HERC2: variants seen among roughly 807,000 people sequenced by gnomAD.
The protein encoded by HERC2 is E3 ubiquitin-protein ligase HERC2.
In HERC2, 102 loss-of-function variants were observed where a neutral mutation model predicts 537.7. The observed-to-expected ratio is 0.19, with a 90% CI of 0.16 to 0.22. The LOEUF is 0.22. HERC2 is among the 10% of genes least tolerant of loss of function. The pLI is 1.00. For synonymous variants in HERC2, 2,224 were observed against 2,466.2 expected (o/e 0.90, Z 2.91); for missense variants, 4,236 against 6,198.2 (o/e 0.68, Z 10.63).
chr15:28,227,585 G>C (rs1327573513), intron 35 of HERC2, among the ~76,000 whole-genome samples: 1 of 151,952 alleles, frequency 6.6e-6, no homozygotes, highest in East Asian at 1.9e-4. Flanking sequence ...GGAAAACTTT[G>C]GTAGTTTCTC....
intron 19 of HERC2, 127 bp from the exon 20 acceptor site, chr15:28,254,645 C>A (rs529631889): frequency 3.4e-6 from 2 of 581,018 alleles, no homozygotes; most frequent in Middle Eastern, 4.0e-4. Context: ...ACACACCTAC[C>A]CACAGGCCCC....
rs1566966578 is a variant in HERC2 at position 28,170,032 on chromosome 15, A to G, written c.10058-377T>C. ...CAACAAAGAGAAAAGATGTTCACCA[A>G]TAAAGTCTCATCAGGCTCACTTCGT... On this transcript the variant is annotated intron_variant, in intron 65 of 92. Coordinates refer to ENST00000261609, the MANE Select transcript of HERC2 (RefSeq NM_004667.6). Among the ~76,000 whole-genome samples, 3 of 152,374 alleles carry G rather than the reference A, an allele frequency of 2.0e-5. No homozygotes were observed. The East Asian group carries it at 5.8e-4, about 29-fold the overall frequency.
chr15:28,209,197 T>A (rs1898832289), intron 44 of HERC2, among the ~76,000 whole-genome samples: 1 of 152,140 alleles, frequency 6.6e-6, no homozygotes, highest in African/African-American at 2.4e-5. Flanking sequence ...AATAAACATA[T>A]ACAGCTAGCC....
At chr15:28,138,301 A>T (rs1052265990) in intron 78 of HERC2, among the ~76,000 whole-genome samples, 6 of 152,220 alleles carry the variant, frequency 3.9e-5, no homozygotes, top group Non-Finnish European at 7.3e-5. Context: ...ACAACCGTCT[A>T]TTGGAAGAAG....
intron 2 of HERC2, among the ~76,000 whole-genome samples, chr15:28,300,423 G>A (rs75493130): frequency 0.066 from 9,923 of 149,332 alleles, 645 homozygotes; most frequent in East Asian, 0.37. Flanking sequence ...AATATTTATC[G>A]GTATTGATAA....
intron 83 of HERC2, among the ~76,000 whole-genome samples, chr15:28,127,118 C>T (rs915517966): frequency 2.6e-5 from 4 of 152,220 alleles, no homozygotes; most frequent in Non-Finnish European, 4.4e-5. Flanking sequence ...GAAAGTGTGA[C>T]GCCTGCGTGG....
intron 44 of HERC2, among the ~76,000 whole-genome samples, chr15:28,209,731 A>C (rs1159098909): frequency 1.3e-5 from 2 of 152,142 alleles, no homozygotes; most frequent in African/African-American, 4.8e-5. Context: ...GGCCTTAAGC[A>C]TTAGTGAATT....
chr15:28,259,969 CAAAAA>C (rs35995546), intron 16 of HERC2, among the ~76,000 whole-genome samples: 8 of 67,564 alleles, frequency 1.2e-4, no homozygotes, highest in African/African-American at 1.8e-4. Flanking sequence ...CTCCATCTGG[CAAAAA>C]AAAAAAAAAA....
intron 75 of HERC2, 69 bp from the exon 76 acceptor site, chr15:28,142,462 G>A (rs374958990): frequency 1.4e-6 from 2 of 1,480,446 alleles, no homozygotes; most frequent in Admixed American, 4.1e-5. Context: ...GGTTTCTGTG[G>A]CTCCTTCCGC....
Position 28,265,947 on chromosome 15 carries a change from G to A in HERC2, c.1626C>T (p.Ser542=), listed in dbSNP as rs189497233. The part of the protein sequence containing the change: ...TVPLEEPKVI[S]AFSGKQAGKH... ...TCCCGGCCTGCTTTCCAGAGAAGGC[G>A]GAGATCACCTTAGGCTCCTCCAAAG... The change falls in exon 13 of 93, where the codon TCC becomes TCT. Residue 542 remains serine (S), a synonymous_variant. Transcript: ENST00000261609. The surrounding 1 kb of genome is among the most constrained non-coding windows in gnomAD (Gnocchi z 4.0). 920 of 1,614,118 alleles carry A rather than the reference G, an allele frequency of 5.7e-4. 4 individuals carry two copies. The East Asian group carries it at 9.4e-3, about 16-fold the overall frequency.
chr15:28,175,399 A>G (rs1895173780), intron 64 of HERC2, 113 bp downstream of exon 64: 1 of 1,022,722 alleles, frequency 9.8e-7, no homozygotes, highest in East Asian at 2.6e-5. Flanking sequence ...AAGCAGTAAG[A>G]CTCAGCTGAT....
At chr15:28,140,235 C>T (rs544685082) in intron 78 of HERC2, among the ~76,000 whole-genome samples, 1 of 152,248 alleles carries the variant, frequency 6.6e-6, no homozygotes, top group Admixed American at 6.5e-5. Context: ...TGGGAACGCT[C>T]CATCTGCACC....
intron 12 of HERC2, among the ~76,000 whole-genome samples, chr15:28,266,350 T>C (rs1482862335): frequency 6.6e-6 from 1 of 152,112 alleles, no homozygotes; most frequent in Admixed American, 6.5e-5. Flanking sequence ...ATCCCGTCTC[T>C]ACTAAAAATA....
chr15:28,179,722 G>A (rs908530358), intron 57 of HERC2, among the ~76,000 whole-genome samples: 3 of 152,216 alleles, frequency 2.0e-5, no homozygotes, highest in African/African-American at 7.2e-5. Flanking sequence ...CTTTGTGGGG[G>A]TGAAAGAGAG....
chr15:28,115,870 A>C (rs1888177925), intron 88 of HERC2, among the ~76,000 whole-genome samples: 1 of 152,232 alleles, frequency 6.6e-6, no homozygotes, highest in Admixed American at 6.5e-5. Flanking sequence ...AGCCCTGCCC[A>C]GGAGGTGCTG....
rs1285921784 is a variant in HERC2 at position 28,122,577 on chromosome 15, G to A, written c.13189-1148C>T. Among the ~76,000 whole-genome samples the A allele has an allele frequency of 2.6e-5, 4 of 152,246 alleles. No individual in the cohort carries two copies. In the East Asian group the frequency reaches 7.8e-4, roughly 30 times the overall value. On this transcript the variant is annotated intron_variant, in intron 85 of 92. Coordinates refer to ENST00000261609, the MANE Select transcript of HERC2 (RefSeq NM_004667.6). The surrounding 1 kb of genome is among the most constrained non-coding windows in gnomAD (Gnocchi z 4.1). The stretch of plus-strand genomic sequence containing the variant: ...CCAGAGGCCCTGCCTGGACCTCAGG[G>A]CGGCTCCCCCTCCACAGGAGCACTC...
Position 28,117,102 on chromosome 15 carries a change from G to GA in HERC2, c.13324dup (p.Ser4442PhefsTer9). 6.2e-7 allele frequency: 1 copy of GA among 1,614,162 alleles called. No homozygotes were observed. On this transcript the variant is annotated frameshift_variant, in exon 87 of 93. Coordinates refer to ENST00000261609, the MANE Select transcript of HERC2 (RefSeq NM_004667.6). LOFTEE classifies it high-confidence loss of function. ...CTTAGCACACATCTGCCCAAAGACA[G>GA]ACTTGGTGCCGTCGGGGCCGGCCAG...
intron 2 of HERC2, among the ~76,000 whole-genome samples, chr15:28,319,700 T>C (rs1309357417): frequency 6.6e-6 from 1 of 151,234 alleles, no homozygotes; most frequent in East Asian, 1.9e-4. Context: ...AAGATATAAA[T>C]GGTGCTTCAC....
intron 35 of HERC2, among the ~76,000 whole-genome samples, chr15:28,224,877 C>G (rs1900951510): frequency 5.3e-5 from 8 of 151,988 alleles, no homozygotes; most frequent in Admixed American, 3.3e-4. Flanking sequence ...GAAAATTAAA[C>G]AACACACAGT....
Sources: allele counts gnomAD v4.1 joint callset (sites outside exome capture counted in the v4.1 genomes callset), GRCh38; gene constraint gnomAD v4.1.1; non-coding constraint Gnocchi (gnomAD v3.1); transcripts MANE v1.5; gene names NCBI Gene and HGNC (gene_info 2026-07-23, HGNC 2026-07-21).